Variants in SAMMSON observed in about 807,000 individuals in gnomAD.
The protein encoded by SAMMSON is long intergenic non-protein coding RNA 1212.
intron 4 of SAMMSON, chr3:70,184,253 G>A (rs1341220449): frequency 6.6e-6 from 1 of 152,094 alleles, no homozygotes; most frequent in South Asian, 2.1e-4. Context: ...TATATGTTTG[G>A]GAAATGCTGA....
intron 7 of SAMMSON, among the ~76,000 whole-genome samples, chr3:70,331,188 A>G (rs1205608393): frequency 6.6e-6 from 1 of 152,176 alleles, no homozygotes; most frequent in Non-Finnish European, 1.5e-5. Context: ...CTCTTCTGTA[A>G]CATTATGTTT....
At chr3:70,153,600 T>C (rs2067580122) in intron 4 of SAMMSON, among the ~76,000 whole-genome samples, 1 of 152,032 alleles carries the variant, frequency 6.6e-6, no homozygotes, top group Non-Finnish European at 1.5e-5. Context: ...GAAAGTAATC[T>C]TGTAATCAGG....
At chr3:70,081,706 T>C (rs1281141787) in intron 4 of SAMMSON, among the ~76,000 whole-genome samples, 1 of 152,232 alleles carries the variant, frequency 6.6e-6, no homozygotes, top group Admixed American at 6.5e-5. Flanking sequence ...TTCTGGCACA[T>C]GTTTCACTGG....
At chr3:70,092,377 G>T (rs943275805) in intron 4 of SAMMSON, among the ~76,000 whole-genome samples, 26 of 150,946 alleles carry the variant, frequency 1.7e-4, no homozygotes, top group African/African-American at 6.3e-4. Context: ...TGGGTCATCA[G>T]TTGCATCATT....
At chr3:70,158,624 C>T (rs549853023) in intron 4 of SAMMSON, among the ~76,000 whole-genome samples, 3 of 151,594 alleles carry the variant, frequency 2.0e-5, no homozygotes, top group South Asian at 2.1e-4. Context: ...GGGAAATTTC[C>T]TGCTTACATA....
chr3:70,407,599 T>C (rs548281613), intron 2 of SAMMSON, among the ~76,000 whole-genome samples: 20 of 152,348 alleles, frequency 1.3e-4, no homozygotes, highest in African/African-American at 3.6e-4. Flanking sequence ...ATCCAGGTTA[T>C]GCTGATGGAA....
chr3:70,084,077 A>G (rs993693225), intron 4 of SAMMSON, among the ~76,000 whole-genome samples: 10 of 152,258 alleles, frequency 6.6e-5, no homozygotes, highest in Admixed American at 6.5e-4. Context: ...ACTTTAAATG[A>G]ATTTTGATTC....
chr3:70,363,518 A>C (rs191415842), intron 9 of SAMMSON, among the ~76,000 whole-genome samples: 68 of 152,104 alleles, frequency 4.5e-4, no homozygotes, highest in Admixed American at 1.4e-3. Flanking sequence ...GTCAAGAATC[A>C]GTAGCATTTC....
At chr3:70,129,036 C>G (rs2067469968) in intron 4 of SAMMSON, among the ~76,000 whole-genome samples, 1 of 152,118 alleles carries the variant, frequency 6.6e-6, no homozygotes, top group African/African-American at 2.4e-5. Context: ...AACACCCGGT[C>G]TGGCACCAAT....
At chr3:70,081,879 A>G (rs2067269274) in intron 4 of SAMMSON, among the ~76,000 whole-genome samples, 1 of 152,232 alleles carries the variant, frequency 6.6e-6, no homozygotes, top group Non-Finnish European at 1.5e-5. Context: ...ACCACAAATT[A>G]TTGACTCTAG....
chr3:70,388,625 A>G (rs944448838), intron 9 of SAMMSON, among the ~76,000 whole-genome samples: 3 of 152,100 alleles, frequency 2.0e-5, no homozygotes, highest in African/African-American at 7.2e-5. Context: ...CCTTTGCTAT[A>G]TGAATGAAAG....
At chr3:70,110,770 G>C (rs2067385196) in intron 4 of SAMMSON, among the ~76,000 whole-genome samples, 1 of 152,096 alleles carries the variant, frequency 6.6e-6, no homozygotes, top group African/African-American at 2.4e-5. Context: ...GTGGTGAAAA[G>C]CAGTTTCCAG....
chr3:70,036,765 A>G (rs2067087021), intron 3 of SAMMSON, among the ~76,000 whole-genome samples: 1 of 152,026 alleles, frequency 6.6e-6, no homozygotes, highest in Non-Finnish European at 1.5e-5. Context: ...AGGAACCAGG[A>G]TTACTCTTTA....
chr3:70,025,113 A>C (rs558697169), intron 3 of SAMMSON: 1 of 152,240 alleles, frequency 6.6e-6, no homozygotes, highest in African/African-American at 2.4e-5. Context: ...AATGTTTGCC[A>C]GTTGGCTGAT....
chr3:70,371,573 T>C (rs1702970199), intron 9 of SAMMSON, among the ~76,000 whole-genome samples: 1 of 152,120 alleles, frequency 6.6e-6, no homozygotes, highest in Admixed American at 6.6e-5. Context: ...TTAAATTTAT[T>C]CCTAGGCATT....
At chr3:70,046,894 C>T (rs934273987) in intron 3 of SAMMSON, among the ~76,000 whole-genome samples, 7 of 152,096 alleles carry the variant, frequency 4.6e-5, no homozygotes, top group African/African-American at 1.7e-4. Flanking sequence ...TCCATAGTCA[C>T]ATCTTTCTCT....
At chr3:70,334,111 T>C (rs1432424401) in intron 7 of SAMMSON, among the ~76,000 whole-genome samples, 4 of 152,182 alleles carry the variant, frequency 2.6e-5, no homozygotes, top group Non-Finnish European at 5.9e-5. Flanking sequence ...AAACTAACTT[T>C]CAAAAGTGGC....
chr3:70,368,586 T>C (rs1702939488), intron 9 of SAMMSON, among the ~76,000 whole-genome samples: 1 of 151,656 alleles, frequency 6.6e-6, no homozygotes, highest in Non-Finnish European at 1.5e-5. Flanking sequence ...TTTTTTTGCG[T>C]ATGGGCATCC....
intron 1 of SAMMSON, among the ~76,000 whole-genome samples, chr3:70,004,399 A>G (rs2066918187): frequency 6.6e-6 from 1 of 152,206 alleles, no homozygotes; most frequent in Admixed American, 6.5e-5. Context: ...CCATAAAAAG[A>G]TATCAGAAAA....
Sources: allele counts gnomAD v4.1 joint callset (sites outside exome capture counted in the v4.1 genomes callset), GRCh38; gene constraint gnomAD v4.1.1; transcripts MANE v1.5; gene names NCBI Gene and HGNC (gene_info 2026-07-23, HGNC 2026-07-21).